Variants in SMYD2 observed in about 807,000 individuals in gnomAD.
SMYD2 encodes the protein SET and MYND domain containing 2.
A neutral mutation model predicts 59.1 loss-of-function variants in SMYD2; 53 were observed. The observed-to-expected ratio is 0.90, with a 90% CI of 0.72 to 1.13. The LOEUF (loss-of-function observed/expected upper bound fraction) is 1.13, where lower values mean the gene tolerates loss of function less well. Among genes scored for constraint, SMYD2 ranks in the 50% most tolerant of loss-of-function variants. The pLI, the probability that SMYD2 is intolerant of heterozygous loss-of-function variation, is 0.00. For missense variants in SMYD2, 494 were observed against 544.7 expected, an observed-to-expected ratio of 0.91 and a Z score of 0.93; for synonymous variants, 208 against 198.8, an observed-to-expected ratio of 1.05 and a Z score of -0.39.
At chr1:214,335,756 T>G (rs1349728031) in intron 11 of SMYD2, among the ~76,000 whole-genome samples, 1 of 152,020 alleles carries the variant, frequency 6.6e-6, no homozygotes, top group East Asian at 1.9e-4. Context: ...AGGCACAGAG[T>G]GGTTAAGTAA....
chr1:214,313,469 A>G (rs1316511583), intron 2 of SMYD2, among the ~76,000 whole-genome samples: 2 of 151,848 alleles, frequency 1.3e-5, no homozygotes, highest in Non-Finnish European at 1.5e-5. Flanking sequence ...GACAGTGTGT[A>G]AGGGCTTCCA....
chr1:214,287,399 C>G (rs1017924114), intron 1 of SMYD2, among the ~76,000 whole-genome samples: 2 of 151,506 alleles, frequency 1.3e-5, no homozygotes, highest in Admixed American at 6.6e-5. Context: ...CCAGCCTGAC[C>G]AACATGGTGA....
In SMYD2 at chr1:214,306,780, G is replaced by A. The variant is rs138496863; in HGVS notation, c.237+1530G>A. On this transcript the variant is annotated intron_variant, in intron 2 of 11. Coordinates refer to ENST00000366957, the MANE Select transcript of SMYD2 (RefSeq NM_020197.3). ...TCCGTTCTGTAGCAAAGCAAGCATA[G>A]GGAGTCACATGTAGTTCAGATCATA... Among the ~76,000 whole-genome samples, 9 of 152,314 alleles carry A rather than the reference G, an allele frequency of 5.9e-5. No homozygotes were observed. In the East Asian group the frequency reaches 1.4e-3, roughly 23 times the overall value.
At chr1:214,333,006 C>T (rs1250042513) in intron 10 of SMYD2, 1 of 152,232 alleles carries the variant, frequency 6.6e-6, no homozygotes, top group African/African-American at 2.4e-5. Flanking sequence ...GAGAAGCCCT[C>T]AGTCTCCTTC....
At chr1:214,336,404 C>T (rs929042241) in intron 11 of SMYD2, among the ~76,000 whole-genome samples, 7 of 152,120 alleles carry the variant, frequency 4.6e-5, no homozygotes, top group South Asian at 4.1e-4. Flanking sequence ...TGGTGGTGGG[C>T]GCCTGTGGTC....
intron 1 of SMYD2, among the ~76,000 whole-genome samples, chr1:214,282,711 G>C (rs537011066): frequency 6.2e-4 from 94 of 152,108 alleles, no homozygotes; most frequent in Non-Finnish European, 1.1e-3. Context: ...CGCTTGGGGG[G>C]ACCTGGAAAG....
intron 1 of SMYD2, among the ~76,000 whole-genome samples, chr1:214,284,448 C>T (rs892515138): frequency 1.3e-5 from 2 of 151,754 alleles, no homozygotes; most frequent in African/African-American, 4.8e-5. Context: ...TTAGTAGAGA[C>T]AGGGTTTCTC....
Position 214,312,755 on chromosome 1 carries a change from A to C in SMYD2, c.238-2007A>C, listed in dbSNP as rs1330505169. Among the ~76,000 whole-genome samples the C allele has an allele frequency of 6.6e-6, 1 of 152,224 alleles. No homozygotes were observed. Among genetic ancestry groups the C allele is most frequent in the Non-Finnish European group, 1.5e-5 (1 of 68,036 alleles). On this transcript the variant is annotated intron_variant, in intron 2 of 11. Transcript: ENST00000366957. This position sits in a 1 kb window ranked among gnomAD's most constrained non-coding sequence, Gnocchi z 4.1. ...GGGGGATGATGGGCTGGGGTGGTGC[A>C]GGGACGCTCCCATCACGTGTGGCCT... is the stretch of plus-strand genomic sequence containing the variant.
intron 3 of SMYD2, among the ~76,000 whole-genome samples, chr1:214,317,876 C>T (rs923077571): frequency 4.6e-5 from 7 of 152,134 alleles, no homozygotes; most frequent in South Asian, 4.1e-4. Context: ...GTTAGGTACA[C>T]GGTAGACATT....
intron 1 of SMYD2, among the ~76,000 whole-genome samples, chr1:214,302,545 C>A (rs1450543719): frequency 1.3e-5 from 2 of 152,184 alleles, no homozygotes. Context: ...AGTCTGTAGA[C>A]CTTCTTGAGA....
chr1:214,310,306 AAG>A (rs1198066315), intron 2 of SMYD2, among the ~76,000 whole-genome samples: 1 of 152,234 alleles, frequency 6.6e-6, no homozygotes, highest in African/African-American at 2.4e-5. Context: ...GAAGTTTTAA[AAG>A]AGGACCATCA....
At chr1:214,329,994 G>A (rs960329564) in intron 7 of SMYD2, among the ~76,000 whole-genome samples, 174 bp from the exon 8 acceptor site, 2 of 152,214 alleles carry the variant, frequency 1.3e-5, no homozygotes, top group Non-Finnish European at 1.5e-5. Flanking sequence ...GAAAGCCAAC[G>A]TCAGGTGGCT....
intron 3 of SMYD2, among the ~76,000 whole-genome samples, chr1:214,317,174 C>A (rs1043995395): frequency 3.9e-5 from 6 of 152,076 alleles, no homozygotes; most frequent in Non-Finnish European, 8.8e-5. Context: ...TATTTCGGCA[C>A]CAGGAGGGTA....
chr1:214,286,691 C>G (rs901054170), intron 1 of SMYD2, among the ~76,000 whole-genome samples: 9 of 144,106 alleles, frequency 6.2e-5, no homozygotes, highest in Non-Finnish European at 1.3e-4. Context: ...ACCTAGGAAC[C>G]CAGGAGGCAG....
At chr1:214,308,614 G>A (rs1056955126) in intron 2 of SMYD2, among the ~76,000 whole-genome samples, 3 of 152,202 alleles carry the variant, frequency 2.0e-5, no homozygotes, top group African/African-American at 4.8e-5. Flanking sequence ...AGAAAGCATG[G>A]CCTTCAGCTG....
intron 5 of SMYD2, among the ~76,000 whole-genome samples, chr1:214,322,655 C>T (rs1657192159): frequency 6.6e-6 from 1 of 152,052 alleles, no homozygotes; most frequent in Non-Finnish European, 1.5e-5. Flanking sequence ...TAGATCTGAC[C>T]AATTTTAGAA....
intron 2 of SMYD2, among the ~76,000 whole-genome samples, chr1:214,311,000 G>A (rs1411955969): frequency 1.3e-5 from 2 of 152,064 alleles, no homozygotes; most frequent in Admixed American, 6.6e-5. Flanking sequence ...AAAGTGAAAC[G>A]TTATTACTGT....
intron 6 of SMYD2, among the ~76,000 whole-genome samples, chr1:214,325,915 T>TA (rs1380879940): frequency 6.6e-6 from 1 of 151,746 alleles, no homozygotes; most frequent in African/African-American, 2.4e-5. Flanking sequence ...CTTAATATCT[T>TA]AAAAGACTAA....
intron 1 of SMYD2, 59 bp downstream of exon 1, chr1:214,281,486 G>C (rs1366144154): frequency 8.0e-7 from 1 of 1,254,564 alleles, no homozygotes; most frequent in African/African-American, 1.6e-5. Flanking sequence ...CGGGAGGCTT[G>C]GACGGCGGCG....
Sources: allele counts gnomAD v4.1 joint callset (sites outside exome capture counted in the v4.1 genomes callset), GRCh38; gene constraint gnomAD v4.1.1; non-coding constraint Gnocchi (gnomAD v3.1); transcripts MANE v1.5; gene names NCBI Gene and HGNC (gene_info 2026-07-23, HGNC 2026-07-21).